PHF21B: variants seen among roughly 807,000 people sequenced by gnomAD.
PHF21B encodes PHD finger protein 4.
Under a neutral mutation model 62.2 loss-of-function variants are expected in PHF21B, and 22 were observed. That is an observed-to-expected ratio of 0.35 (90% CI 0.25 to 0.51). The LOEUF is 0.51. Among genes scored for constraint, PHF21B ranks in the 20% least tolerant of loss-of-function variants. PHF21B has a pLI of 0.97. For missense variants in PHF21B, 701 were observed against 707.9 expected (o/e 0.99, Z 0.11); for synonymous variants, 341 against 314.7 (o/e 1.08, Z -0.88).
chr22:44,954,722 C>A (rs1226365668), intron 2 of PHF21B, among the ~76,000 whole-genome samples: 1 of 152,226 alleles, frequency 6.6e-6, no homozygotes, highest in Non-Finnish European at 1.5e-5. Context: ...CATCTCTAGG[C>A]ACCGAGCGTA....
chr22:44,928,584 A>G (rs1201981366), intron 2 of PHF21B, among the ~76,000 whole-genome samples: 1 of 151,996 alleles, frequency 6.6e-6, no homozygotes, highest in Non-Finnish European at 1.5e-5. Flanking sequence ...TAATTTTTAT[A>G]TTTTTAGTAG....
chr22:44,973,939 G>A (rs549640309), intron 2 of PHF21B, among the ~76,000 whole-genome samples: 2 of 152,326 alleles, frequency 1.3e-5, no homozygotes, highest in Admixed American at 1.3e-4. Context: ...TAAGGACAAT[G>A]TAGGCAGAAT....
chr22:44,991,420 A>G (rs757267730), intron 2 of PHF21B, among the ~76,000 whole-genome samples: 1 of 152,078 alleles, frequency 6.6e-6, no homozygotes, highest in Admixed American at 6.5e-5. Flanking sequence ...CAAACAGAAC[A>G]CAAACCACCA....
intron 2 of PHF21B, among the ~76,000 whole-genome samples, chr22:44,978,733 T>C (rs533140605): frequency 6.6e-6 from 1 of 152,348 alleles, no homozygotes; most frequent in South Asian, 2.1e-4. Flanking sequence ...CGCCCTTTTT[T>C]CCTCTTCTAC....
At chr22:44,883,565 C>CTCCTCCTCCCCGCTAGCTGCCCACACTCT (rs1443432200) in intron 12 of PHF21B, among the ~76,000 whole-genome samples, 1 of 152,090 alleles carries the variant, frequency 6.6e-6, no homozygotes, top group East Asian at 1.9e-4. Context: ...GTGATGTGAC[C>CTCCTCCTCCCCGCTAGCTGCCCACACTCT]TCCTCCTCCC....
chr22:44,936,582 G>C (rs905769383), intron 2 of PHF21B, among the ~76,000 whole-genome samples: 1 of 152,192 alleles, frequency 6.6e-6, no homozygotes, highest in Admixed American at 6.5e-5. Context: ...CGGGTTTCAA[G>C]TGGGACCTTG....
At chr22:44,975,788 C>A (rs2072727340) in intron 2 of PHF21B, among the ~76,000 whole-genome samples, 2 of 152,250 alleles carry the variant, frequency 1.3e-5, no homozygotes, top group African/African-American at 4.8e-5. Context: ...CCACCCAGGG[C>A]TCCACTTCCA....
chr22:44,898,958 G>C (rs894272040), intron 5 of PHF21B, among the ~76,000 whole-genome samples: 1 of 152,106 alleles, frequency 6.6e-6, no homozygotes, highest in African/African-American at 2.4e-5. Context: ...AGATCTATTT[G>C]GGTCTATTTC....
chr22:44,999,401 A>T (rs761672), intron 2 of PHF21B, among the ~76,000 whole-genome samples: 1 of 151,872 alleles, frequency 6.6e-6, no homozygotes, highest in African/African-American at 2.4e-5. Flanking sequence ...ACTCCTCTCC[A>T]CAACCCCGCA....
chr22:44,982,967 G>C (rs112290133), intron 2 of PHF21B, among the ~76,000 whole-genome samples: 1,550 of 152,302 alleles, frequency 0.01, 25 homozygotes, highest in African/African-American at 0.036. Context: ...CAAGGGGCCG[G>C]GCGCGGTGGC....
At chr22:44,959,268 G>C (rs2072368900) in intron 2 of PHF21B, among the ~76,000 whole-genome samples, 1 of 152,194 alleles carries the variant, frequency 6.6e-6, no homozygotes, top group South Asian at 2.1e-4. Flanking sequence ...GTCTTCTAGA[G>C]AATGATGACA....
chr22:44,956,720 G>A (rs1361199806), intron 2 of PHF21B, among the ~76,000 whole-genome samples: 1 of 152,166 alleles, frequency 6.6e-6, no homozygotes, highest in Non-Finnish European at 1.5e-5. Flanking sequence ...GAAAGGCCCA[G>A]GGGACCTCTT....
At position 45,008,538 on chromosome 22, in the gene PHF21B, C is replaced by T. The variant is rs778773946; in HGVS notation, c.120+7G>A. 153 of 1,571,552 alleles carry T rather than the reference C, an allele frequency of 9.7e-5. No individual in the cohort carries two copies. The highest frequency in any genetic ancestry group is 1.3e-4 in the Non-Finnish European group (151 of 1,157,954). ...ATCCCAGGGGGGGCCGCGATCCCAT[C>T]GCTTACTTGTTTGTCGCTGAGCGCG... On this transcript the variant is annotated splice_region_variant and intron_variant, in intron 2 of 12. Coordinates refer to ENST00000313237, the MANE Select transcript of PHF21B (RefSeq NM_138415.5).
chr22:44,933,734 G>GAC (rs10666558), intron 2 of PHF21B, among the ~76,000 whole-genome samples: 107,163 of 148,808 alleles, frequency 0.72, 38,875 homozygotes, highest in Admixed American at 0.78. Context: ...GAGAGAGAGA[G>GAC]AGACAGACAG....
At chr22:44,901,352 C>T (rs1312815329) in intron 5 of PHF21B, among the ~76,000 whole-genome samples, 3 of 152,228 alleles carry the variant, frequency 2.0e-5, no homozygotes, top group Non-Finnish European at 4.4e-5. Flanking sequence ...TCCCCGAGTC[C>T]CCTCCACTGA....
intron 2 of PHF21B, among the ~76,000 whole-genome samples, chr22:45,007,531 C>G (rs1312751980): frequency 1.2e-5 from 1 of 82,908 alleles, no homozygotes; most frequent in Non-Finnish European, 2.4e-5. Flanking sequence ...GATCGATGGC[C>G]GGGGGCGCGG....
At chr22:44,936,531 G>A (rs1183446352) in intron 2 of PHF21B, among the ~76,000 whole-genome samples, 3 of 152,176 alleles carry the variant, frequency 2.0e-5, no homozygotes, top group Non-Finnish European at 2.9e-5. Flanking sequence ...CCTGCCATCC[G>A]TTACTGGTGA....
intron 2 of PHF21B, among the ~76,000 whole-genome samples, chr22:44,971,679 C>T (rs191534698): frequency 2.6e-3 from 403 of 152,332 alleles, no homozygotes; most frequent in African/African-American, 9.0e-3. Context: ...AGCCCTCCCA[C>T]AAGCCATCAA....
chr22:44,947,981 C>CGCTGTTGTCCCTCCTCCCT (rs2072110311), intron 2 of PHF21B, among the ~76,000 whole-genome samples: 2 of 151,692 alleles, frequency 1.3e-5, no homozygotes, highest in African/African-American at 2.4e-5. Flanking sequence ...GCCTCCTCCC[C>CGCTGTTGTCCCTCCTCCCT]GCTGTTGTCC....
Sources: allele counts gnomAD v4.1 joint callset (sites outside exome capture counted in the v4.1 genomes callset), GRCh38; gene constraint gnomAD v4.1.1; transcripts MANE v1.5; gene names NCBI Gene and HGNC (gene_info 2026-07-23, HGNC 2026-07-21).